The following LARGE1 variants were observed in gnomAD, a reference collection of about 807,000 sequenced individuals.
LARGE1 encodes LARGE xylosyl- and glucuronyltransferase 1.
LARGE1 carries 43 observed loss-of-function variants against 87.6 expected under a neutral mutation model. That is an observed-to-expected ratio of 0.49 (90% CI 0.38 to 0.63). The LOEUF is 0.63. Ranked by LOEUF, LARGE1 falls within the 30% of genes least tolerant of loss-of-function variation. The pLI is 0.00. For missense variants in LARGE1, 802 were observed against 1,000.2 expected (o/e 0.80, Z 2.67); for synonymous variants, 434 against 394.6 (o/e 1.10, Z -1.18).
At chr22:33,609,839 TAA>T (rs1269963533) in intron 4 of LARGE1, among the ~76,000 whole-genome samples, 3 of 152,080 alleles carry the variant, frequency 2.0e-5, no homozygotes, top group African/African-American at 7.2e-5. Flanking sequence ...TCTGGTTGTT[TAA>T]AAAAAGAGAA....
At position 33,735,799 on chromosome 22, in the gene LARGE1, C is replaced by T. The variant is rs74472175; in HGVS notation, c.106+25572G>A. ...CAAACCCCAACCCTCCCCATATTCC[C>T]GCCTTCCTCAAACCTTCAAAACCAC... On this transcript the variant is annotated intron_variant, in intron 2 of 14. Transcript: ENST00000397394. 3.7e-3 allele frequency among the ~76,000 whole-genome samples: 564 copies of T among 152,272 alleles called. 1 individual carries two copies. Among genetic ancestry groups the T allele is most frequent in the African/African-American group, 0.012 (514 of 41,538 alleles).
chr22:33,655,524 C>T (rs1231213244), intron 2 of LARGE1, among the ~76,000 whole-genome samples: 1 of 152,170 alleles, frequency 6.6e-6, no homozygotes, highest in Non-Finnish European at 1.5e-5. Context: ...CTGACTCAAC[C>T]TGAAGATCTT....
intron 5 of LARGE1, among the ~76,000 whole-genome samples, chr22:33,600,338 G>A (rs1010964058): frequency 6.6e-6 from 1 of 152,104 alleles, no homozygotes; most frequent in Non-Finnish European, 1.5e-5. Flanking sequence ...CAGGCCTTTG[G>A]GATACAAAGG....
At chr22:33,172,348 C>A (rs1156340782) in intron 11 of LARGE1, among the ~76,000 whole-genome samples, 1 of 152,128 alleles carries the variant, frequency 6.6e-6, no homozygotes, top group Non-Finnish European at 1.5e-5. Context: ...GTTGGGAAGG[C>A]ATGATTGGTT....
chr22:33,861,143 G>C (rs923993998), intron 1 of LARGE1, among the ~76,000 whole-genome samples: 1 of 152,074 alleles, frequency 6.6e-6, no homozygotes. Flanking sequence ...ATTCCCATCT[G>C]TGCGGCAAGG....
intron 6 of LARGE1, among the ~76,000 whole-genome samples, chr22:33,463,921 G>A (rs779756090): frequency 1.2e-4 from 18 of 152,126 alleles, no homozygotes; most frequent in Admixed American, 2.6e-4. Flanking sequence ...TGATCTGCCC[G>A]CCTTGGCCCC....
At chr22:33,594,335 C>T (rs959985392) in intron 5 of LARGE1, among the ~76,000 whole-genome samples, 1 of 152,136 alleles carries the variant, frequency 6.6e-6, no homozygotes, top group African/African-American at 2.4e-5. Flanking sequence ...ACACCTCAGC[C>T]ACTCAATCCC....
the LARGE1 span, among the ~76,000 whole-genome samples, chr22:33,082,436 T>C: frequency 1.3e-5 from 2 of 152,152 alleles, no homozygotes; most frequent in Non-Finnish European, 2.9e-5. Context: ...AAGAGAAAGA[T>C]GGAGACCTGG....
intron 9 of LARGE1, among the ~76,000 whole-genome samples, chr22:33,349,229 T>C (rs993993121): frequency 2.0e-5 from 3 of 152,186 alleles, no homozygotes; most frequent in African/African-American, 7.2e-5. Context: ...GAATCCAGCT[T>C]GTAGATGGCA....
Position 33,610,051 on chromosome 22 carries a change from G to A in LARGE1, c.492-5493C>T, listed in dbSNP as rs569489560. Among the ~76,000 whole-genome samples, 6 of 152,220 alleles carry A rather than the reference G, an allele frequency of 3.9e-5. No individual in the cohort carries two copies. In the South Asian group the frequency reaches 8.3e-4, roughly 21 times the overall value. ...CAGATGCTGGTGCCATGCTTGTACA[G>A]CCTGCAGAATCATGAGCCAATTAAA... On this transcript the variant is annotated intron_variant, in intron 4 of 14. Transcript: ENST00000397394.
intron 3 of LARGE1, among the ~76,000 whole-genome samples, chr22:33,635,779 T>C (rs1236914304): frequency 1.3e-5 from 2 of 152,240 alleles, no homozygotes; most frequent in Admixed American, 6.5e-5. Flanking sequence ...ATGGCAAATG[T>C]ACCCTCTCAA....
chr22:33,852,574 C>T (rs1022714947), intron 1 of LARGE1, among the ~76,000 whole-genome samples: 11 of 151,926 alleles, frequency 7.2e-5, no homozygotes, highest in African/African-American at 2.4e-4. Context: ...AGGCTGGGCA[C>T]GGTGGCTCAC....
intron 9 of LARGE1, among the ~76,000 whole-genome samples, chr22:33,352,896 A>C (rs933121901): frequency 1.3e-5 from 2 of 152,252 alleles, no homozygotes; most frequent in African/African-American, 4.8e-5. Flanking sequence ...TAATTAAAAA[A>C]GGGAGTTCTA....
chr22:33,504,727 G>A lies in LARGE1; in HGVS notation c.787+60121C>T, dbSNP rs2070682925. 1.3e-5 allele frequency among the ~76,000 whole-genome samples: 2 copies of A among 151,958 alleles called. 1 individual carries two copies. The highest frequency in any genetic ancestry group is 1.3e-4 in the Admixed American group (2 of 15,262). ...CAAGATGCGTAACACCAACTCACGG[G>A]GTTGCTGTGACTATAAAATGAAATA... On this transcript the variant is annotated intron_variant, in intron 6 of 14. Transcript: ENST00000397394.
At chr22:33,774,359 C>A (rs575145425) in intron 1 of LARGE1, among the ~76,000 whole-genome samples, 1 of 150,838 alleles carries the variant, frequency 6.6e-6, no homozygotes, top group Non-Finnish European at 1.5e-5. Context: ...TTTTTTCTTT[C>A]TTTCTTTCTT....
At chr22:33,280,839 A>T (rs1157695208) in intron 13 of LARGE1, among the ~76,000 whole-genome samples, 4 of 152,210 alleles carry the variant, frequency 2.6e-5, no homozygotes, top group Non-Finnish European at 5.9e-5. Flanking sequence ...TTGAGTATGC[A>T]TTAGAATTAT....
intron 9 of LARGE1, among the ~76,000 whole-genome samples, chr22:33,344,993 A>T (rs572374396): frequency 6.6e-6 from 1 of 152,196 alleles, no homozygotes; most frequent in Admixed American, 6.6e-5. Flanking sequence ...GATTTTTGTA[A>T]GGAGCTGATA....
At chr22:33,589,272 C>G (rs2078766778) in intron 5 of LARGE1, among the ~76,000 whole-genome samples, 1 of 152,190 alleles carries the variant, frequency 6.6e-6, no homozygotes, top group Non-Finnish European at 1.5e-5. Context: ...TTTCAAGGAT[C>G]TGTCATGAGA....
chr22:33,464,892 TACACAC>T (rs34436418), intron 6 of LARGE1, among the ~76,000 whole-genome samples: 11 of 139,418 alleles, frequency 7.9e-5, no homozygotes, highest in African/African-American at 2.5e-4. Context: ...TGCACACACA[TACACAC>T]ACACACACAT....
Sources: allele counts gnomAD v4.1 joint callset (sites outside exome capture counted in the v4.1 genomes callset), GRCh38; gene constraint gnomAD v4.1.1; transcripts MANE v1.5; gene names NCBI Gene and HGNC (gene_info 2026-07-23, HGNC 2026-07-21).